YJU2B: variants seen among roughly 807,000 people sequenced by gnomAD.
YJU2B encodes the protein YJU2 splicing factor homolog B, also known as probable splicing factor YJU2B.
YJU2B carries 18 observed loss-of-function variants against 38.0 expected under a neutral mutation model. The ratio of observed to expected loss-of-function variants is 0.47; its 90% CI spans 0.33 to 0.70. YJU2B has a LOEUF of 0.70. YJU2B is among the 30% of genes least tolerant of loss of function. The pLI, the probability that YJU2B is intolerant of heterozygous loss-of-function variation, is 0.02. For synonymous variants in YJU2B, 246 were observed against 225.4 expected, an observed-to-expected ratio of 1.09 and a Z score of -0.82; for missense variants, 538 against 556.3, an observed-to-expected ratio of 0.97 and a Z score of 0.33.
chr19:13,743,378 G>A (rs372041715), upstream of YJU2B, among the ~76,000 whole-genome samples: 46 of 151,844 alleles, frequency 3.0e-4, no homozygotes, highest in African/African-American at 1.1e-3. Context: ...TCAGGAGTTC[G>A]AGACCAGCCT....
chr19:13,747,603 T>G (rs1599506609), upstream of YJU2B, among the ~76,000 whole-genome samples: 1 of 152,236 alleles, frequency 6.6e-6, no homozygotes, highest in Non-Finnish European at 1.5e-5. Context: ...CCCAAGTAGC[T>G]GGGACTACAG....
At chr19:13,754,116 G>C (rs1411238806) in intron 2 of YJU2B, among the ~76,000 whole-genome samples, 173 bp from the exon 3 acceptor site, 4 of 152,166 alleles carry the variant, frequency 2.6e-5, no homozygotes, top group African/African-American at 9.7e-5. Flanking sequence ...AGGTTACAGT[G>C]AGTCAAGATC....
upstream of YJU2B, among the ~76,000 whole-genome samples, chr19:13,744,732 G>A (rs1002771455): frequency 9.2e-5 from 14 of 152,112 alleles, 1 homozygote; most frequent in African/African-American, 2.9e-4. Context: ...AGTGGCTCAC[G>A]CCTGTAATCC....
At chr19:13,757,681 G>A in intron 5 of YJU2B, 105 bp from the exon 6 acceptor site, 2 of 1,254,262 alleles carry the variant, frequency 1.6e-6, no homozygotes, top group Non-Finnish European at 2.3e-6. Flanking sequence ...CCTCCTAGTT[G>A]GGGAACCCTC....
chr19:13,736,589 C>CT (rs1412255573), intron 2 of YJU2B, among the ~76,000 whole-genome samples: 6 of 152,034 alleles, frequency 3.9e-5, no homozygotes, highest in African/African-American at 9.7e-5. Context: ...CCCAAATACT[C>CT]TAAGTACTTA....
rs760445366 is a variant in YJU2B at position 13,754,285 on chromosome 19, G to A, written c.4-4G>A. 1 of 1,612,494 alleles carries A rather than the reference G, an allele frequency of 6.2e-7. No individual in the cohort carries two copies. Among genetic ancestry groups the A allele is most frequent in the Non-Finnish European group, 8.5e-7 (1 of 1,178,528 alleles). ...CTGAGTCATGTCTCTGTTCTGCTTT[G>A]CAGGGTGAAAGGAAAGGGGTCAACA... is the stretch of plus-strand genomic sequence containing the variant. On this transcript the variant is annotated splice_region_variant and splice_polypyrimidine_tract_variant and intron_variant, in intron 2 of 9. Transcript: ENST00000221554.
intron 2 of YJU2B, among the ~76,000 whole-genome samples, chr19:13,753,244 G>T (rs997175966): frequency 6.6e-6 from 1 of 152,154 alleles, no homozygotes; most frequent in Non-Finnish European, 1.5e-5. Context: ...CCTGGAGGGA[G>T]CCTGTGTATT....
At chr19:13,744,477 TC>T (rs1973177713), upstream of YJU2B, among the ~76,000 whole-genome samples, 1 of 152,222 alleles carries the variant, frequency 6.6e-6, no homozygotes, top group Non-Finnish European at 1.5e-5. Context: ...GACTCTAACT[TC>T]CTTAGCTTTT....
At chr19:13,752,292 T>A (rs1460998650) in intron 2 of YJU2B, among the ~76,000 whole-genome samples, 1 of 148,094 alleles carries the variant, frequency 6.8e-6, no homozygotes, top group Non-Finnish European at 1.5e-5. Context: ...TTTAACAAGG[T>A]GAAATTCATA....
chr19:13,736,520 A>C (rs1351363910), intron 2 of YJU2B, among the ~76,000 whole-genome samples: 1 of 151,430 alleles, frequency 6.6e-6, no homozygotes, highest in East Asian at 2.0e-4. Flanking sequence ...TCGGCCTCCC[A>C]AAGTGCTGGG....
At chr19:13,748,480 A>AATTACTTT (rs1284113416) in intron 1 of YJU2B, among the ~76,000 whole-genome samples, 6 of 152,008 alleles carry the variant, frequency 3.9e-5, no homozygotes, top group African/African-American at 1.4e-4. Flanking sequence ...CAGGGTCGGT[A>AATTACTTT]ATTACTTTTG....
chr19:13,743,472 C>T (rs1274373615), upstream of YJU2B, among the ~76,000 whole-genome samples: 2 of 147,872 alleles, frequency 1.4e-5, no homozygotes, highest in African/African-American at 5.0e-5. Context: ...CCTTGCTACT[C>T]GGGAGGCTGA....
chr19:13,753,607 C>T (rs982852283), intron 2 of YJU2B, among the ~76,000 whole-genome samples: 11 of 144,056 alleles, frequency 7.6e-5, no homozygotes, highest in Non-Finnish European at 1.4e-4. Context: ...AAGACATACT[C>T]AAGCCTGGGT....
In YJU2B at chr19:13,754,195, A is replaced by C. The variant is rs910158482; in HGVS notation, c.4-94A>C. 5.0e-5 allele frequency: 49 copies of C among 981,450 alleles called. 1 individual carries two copies. The highest frequency in any genetic ancestry group is 3.3e-6 in the Non-Finnish European group (2 of 612,908). 60.8% of individuals were successfully genotyped at this position (981,450 alleles called of 1,614,324 possible). On this transcript the variant is annotated intron_variant, in intron 2 of 9. Coordinates refer to ENST00000221554, the MANE Select transcript of YJU2B (RefSeq NM_030818.4). Reference sequence around the variant, plus strand: ...TCTAAAAATTAATAGTAAAATAAAAAATCAGAAAAAATTTTTTTGAATGAG... The same window carrying C: ...TCTAAAAATTAATAGTAAAATAAAACATCAGAAAAAATTTTTTTGAATGAG...
At chr19:13,739,110 T>C (rs1228584029) in intron 2 of YJU2B, among the ~76,000 whole-genome samples, 1 of 152,102 alleles carries the variant, frequency 6.6e-6, no homozygotes, top group African/African-American at 2.4e-5. Flanking sequence ...TGGTTATTTA[T>C]ATAAATCAGT....
intron 2 of YJU2B, among the ~76,000 whole-genome samples, chr19:13,733,142 G>A (rs1310502599): frequency 6.7e-6 from 1 of 148,508 alleles, no homozygotes; most frequent in Non-Finnish European, 1.5e-5. Context: ...TGTTAGCCAG[G>A]ATAGTCTCGA....
Position 13,762,957 on chromosome 19 carries a change from C to T in YJU2B, c.1080C>T (p.Pro360=). ...RGQEGSRQDK[P]LSPAGSSQEA... is the part of the protein sequence containing the mutation. The stretch of plus-strand genomic sequence containing the variant: ...AGGAAGGGAGCCGTCAGGACAAGCC[C>T]CTGTCGCCAGCAGGCTCCTCCCAGG... Residue 360 remains proline, a synonymous_variant, in exon 10 of 10, where the codon CCC becomes CCT. Transcript: ENST00000221554. 6.2e-7 allele frequency: 1 copy of T among 1,611,986 alleles called. No homozygotes were observed. The highest frequency in any genetic ancestry group is 8.5e-7 in the Non-Finnish European group (1 of 1,179,662).
intron 2 of YJU2B, among the ~76,000 whole-genome samples, chr19:13,734,082 C>A (rs1456273385): frequency 6.6e-6 from 1 of 151,948 alleles, no homozygotes; most frequent in Non-Finnish European, 1.5e-5. Context: ...CATGCACCAC[C>A]CTGCTTGGCT....
chr19:13,755,731 G>A (rs1380368530), intron 3 of YJU2B, among the ~76,000 whole-genome samples: 1 of 152,086 alleles, frequency 6.6e-6, no homozygotes, highest in Admixed American at 6.6e-5. Flanking sequence ...CGAGGCAAGT[G>A]GATCACCTGA....
Sources: allele counts gnomAD v4.1 joint callset (sites outside exome capture counted in the v4.1 genomes callset), GRCh38; gene constraint gnomAD v4.1.1; transcripts MANE v1.5; gene names NCBI Gene and HGNC (gene_info 2026-07-23, HGNC 2026-07-21).